NDUFV2: variants seen among roughly 807,000 people sequenced by gnomAD.
NDUFV2 encodes NADH dehydrogenase [ubiquinone] flavoprotein 2, mitochondrial.
NDUFV2 carries 18 observed loss-of-function variants against 31.6 expected under a neutral mutation model. The ratio of observed to expected loss-of-function variants is 0.57; its 90% CI spans 0.39 to 0.84. The LOEUF (loss-of-function observed/expected upper bound fraction) is 0.84. Ranked by LOEUF, NDUFV2 falls within the 40% of genes least tolerant of loss-of-function variation. The pLI is 0.00. For synonymous variants in NDUFV2, 83 were observed against 99.8 expected (o/e 0.83, Z 1.01); for missense variants, 314 against 303.6 (o/e 1.03, Z -0.26).
At chr18:9,118,383 G>C (rs780127707) in intron 2 of NDUFV2, among the ~76,000 whole-genome samples, 2 of 152,002 alleles carry the variant, frequency 1.3e-5, no homozygotes, top group Non-Finnish European at 2.9e-5. Context: ...GAAAGGATAA[G>C]ATATTATATC....
intron 7 of NDUFV2, among the ~76,000 whole-genome samples, chr18:9,127,279 C>T (rs2077999177): frequency 1.3e-5 from 2 of 152,132 alleles, no homozygotes; most frequent in African/African-American, 4.8e-5. Context: ...AATGACAGCT[C>T]TTCAATTACT....
intron 1 of NDUFV2, chr18:9,104,260 C>T (rs1342891447): frequency 6.2e-7 from 1 of 1,612,532 alleles, no homozygotes; most frequent in Non-Finnish European, 8.5e-7. Flanking sequence ...AAGGGAGAGA[C>T]AGGGGCCAGA....
intron 1 of NDUFV2, among the ~76,000 whole-genome samples, chr18:9,111,840 A>G (rs1450920557): frequency 1.3e-5 from 2 of 151,850 alleles, no homozygotes; most frequent in Admixed American, 6.5e-5. Flanking sequence ...CCATTTTGCT[A>G]TATTGTCTCT....
chr18:9,111,615 G>A (rs1326928167), intron 1 of NDUFV2, among the ~76,000 whole-genome samples: 1 of 151,828 alleles, frequency 6.6e-6, no homozygotes, highest in African/African-American at 2.4e-5. Context: ...TTTTAGTAGG[G>A]ATGGGGTCTC....
At chr18:9,125,070 G>A in intron 6 of NDUFV2, 87 bp downstream of exon 6, 3 of 1,401,354 alleles carry the variant, frequency 2.1e-6, no homozygotes, top group Non-Finnish European at 2.9e-6. Flanking sequence ...CTTAGATGTT[G>A]GTTTCTGAAT....
At chr18:9,122,894 T>C (rs2077950764) in intron 5 of NDUFV2, among the ~76,000 whole-genome samples, 1 of 152,254 alleles carries the variant, frequency 6.6e-6, no homozygotes, top group African/African-American at 2.4e-5. Flanking sequence ...TTTAATTTTT[T>C]CTTTTTTAAT....
At chr18:9,125,750 AT>A (rs564850154) in intron 6 of NDUFV2, among the ~76,000 whole-genome samples, 90 of 152,162 alleles carry the variant, frequency 5.9e-4, no homozygotes, top group African/African-American at 2.0e-3. Context: ...CTTAAGGTAG[AT>A]TTTCTTTTAA....
chr18:9,132,996 T>C (rs1240182274), intron 7 of NDUFV2, among the ~76,000 whole-genome samples: 1 of 152,258 alleles, frequency 6.6e-6, no homozygotes, highest in Non-Finnish European at 1.5e-5. Flanking sequence ...AATGACTGCT[T>C]TTTTATCTGT....
At chr18:9,122,993 A>AT (rs2077952844) in intron 5 of NDUFV2, among the ~76,000 whole-genome samples, 1 of 152,234 alleles carries the variant, frequency 6.6e-6, no homozygotes, top group African/African-American at 2.4e-5. Flanking sequence ...TTACTATTCT[A>AT]TGACAGCATG....
At chr18:9,104,146 C>A (rs1241868832) in intron 1 of NDUFV2, 8 of 1,612,370 alleles carry the variant, frequency 5.0e-6, no homozygotes, top group South Asian at 1.1e-5. Flanking sequence ...CGAGGGTATT[C>A]TAGGTGGAAA....
Position 9,125,901 on chromosome 18 carries a change from C to G in NDUFV2, c.579+918C>G, listed in dbSNP as rs191106208. ...AGTTTTCTTTGAGGGACAGTTTACT[C>G]TTATAATGAGGTTAAAGCTTTTGGG... On this transcript the variant is annotated intron_variant, in intron 6 of 7. Transcript: ENST00000318388. Among the ~76,000 whole-genome samples, 79 of 152,240 alleles carry G rather than the reference C, an allele frequency of 5.2e-4. 1 individual carries two copies. Among genetic ancestry groups the G allele is most frequent in the Admixed American group, 2.1e-3 (32 of 15,286 alleles).
At chr18:9,102,961 C>T in intron 1 of NDUFV2, 164 bp downstream of exon 1, 1 of 622,978 alleles carries the variant, frequency 1.6e-6, no homozygotes, top group Non-Finnish European at 2.6e-6. Context: ...TGCAGCCCCA[C>T]CGTGAGAAGC....
At chr18:9,105,075 T>C in intron 1 of NDUFV2, 1 of 1,279,028 alleles carries the variant, frequency 7.8e-7, no homozygotes, top group Non-Finnish European at 1.0e-6. Flanking sequence ...TAATGCTACA[T>C]AGCATTCCAT....
intron 6 of NDUFV2, among the ~76,000 whole-genome samples, chr18:9,126,436 A>G (rs979902399): frequency 6.6e-6 from 1 of 152,238 alleles, no homozygotes; most frequent in African/African-American, 2.4e-5. Context: ...TAAGTGATAG[A>G]GCCAGAACTC....
intron 7 of NDUFV2, 150 bp from the exon 8 acceptor site, chr18:9,134,036 A>G (rs932780040): frequency 1.0e-5 from 6 of 581,938 alleles, no homozygotes; most frequent in Admixed American, 6.1e-5. Context: ...AAAATCTTGC[A>G]TCAGTTGAAA....
intron 1 of NDUFV2, among the ~76,000 whole-genome samples, chr18:9,109,448 A>G (rs1040977430): frequency 1.1e-4 from 16 of 152,264 alleles, no homozygotes; most frequent in African/African-American, 3.6e-4. Context: ...AATGTCTGAT[A>G]GAACTGAAAA....
intron 1 of NDUFV2, among the ~76,000 whole-genome samples, chr18:9,115,096 C>T (rs1342666870): frequency 1.3e-5 from 2 of 152,014 alleles, no homozygotes; most frequent in African/African-American, 2.4e-5. Flanking sequence ...TTTTCTTATA[C>T]CTGCTGAGTG....
intron 1 of NDUFV2, chr18:9,104,149 G>C (rs750899726): frequency 1.2e-6 from 2 of 1,612,734 alleles, no homozygotes; most frequent in Non-Finnish European, 1.7e-6. Context: ...GGGTATTCTA[G>C]GTGGAAAGGA....
At chr18:9,106,390 TA>T (rs2077842246) in intron 1 of NDUFV2, among the ~76,000 whole-genome samples, 1 of 152,216 alleles carries the variant, frequency 6.6e-6, no homozygotes, top group African/African-American at 2.4e-5. Context: ...TTTGTTTTTA[TA>T]AAATATTTTG....
Sources: gnomAD v4.1 joint callset for allele counts (sites outside exome capture counted in the v4.1 genomes callset) on GRCh38, gnomAD v4.1.1 for gene constraint, MANE v1.5 for transcripts, NCBI Gene and HGNC (gene_info 2026-07-23, HGNC 2026-07-21) for gene names.